UPF2: variants seen among roughly 807,000 people sequenced by gnomAD.
The protein encoded by UPF2 is UPF2 regulator of nonsense mediated mRNA decay, also known as regulator of nonsense transcripts 2.
Under a neutral mutation model 141.4 loss-of-function variants are expected in UPF2, and 17 were observed. That is an observed-to-expected ratio of 0.12 (90% CI 0.08 to 0.18). The LOEUF (loss-of-function observed/expected upper bound fraction) is 0.18. Among genes scored for constraint, UPF2 ranks in the 10% least tolerant of loss-of-function variants. UPF2 has a pLI of 1.00. For missense variants in UPF2, 1,152 were observed against 1,515.9 expected, an observed-to-expected ratio of 0.76 and a Z score of 3.99; for synonymous variants, 540 against 498.0, an observed-to-expected ratio of 1.08 and a Z score of -1.12.
chr10:11,966,425 CT>C (rs1185528858), intron 10 of UPF2, among the ~76,000 whole-genome samples: 3 of 130,880 alleles, frequency 2.3e-5, no homozygotes, highest in Non-Finnish European at 5.6e-5. Context: ...AGCCTTATTT[CT>C]TTTTTTCTTT....
intron 21 of UPF2, among the ~76,000 whole-genome samples, chr10:11,925,914 T>C (rs1231212005): frequency 2.0e-5 from 3 of 152,194 alleles, no homozygotes; most frequent in African/African-American, 4.8e-5. Context: ...CGAGGAGCCA[T>C]TGGATGATTT....
At position 11,989,639 on chromosome 10, in the gene UPF2, C is replaced by T. The variant is rs138540353; in HGVS notation, c.1844+8033G>A. 1.5e-3 allele frequency among the ~76,000 whole-genome samples: 235 copies of T among 152,288 alleles called. 1 individual carries two copies. The highest frequency in any genetic ancestry group is 5.2e-3 in the African/African-American group (217 of 41,556). ...GAAAACAAATCCCTGTGAGTATTTC[C>T]GTAGCAAGGGACACAATGTTACCCC... On this transcript the variant is annotated intron_variant, in intron 8 of 21. Transcript: ENST00000357604.
chr10:11,971,604 G>A (rs888394000), intron 9 of UPF2, among the ~76,000 whole-genome samples: 1 of 151,986 alleles, frequency 6.6e-6, no homozygotes, highest in Non-Finnish European at 1.5e-5. Context: ...AAACACTTCT[G>A]GATGAATTCA....
In UPF2 at chr10:11,931,977, C is replaced by T. The variant is rs140200073; in HGVS notation, c.3547-195G>A. 1.6e-3 allele frequency among the ~76,000 whole-genome samples: 243 copies of T among 152,190 alleles called. 1 individual carries two copies. The highest frequency in any genetic ancestry group is 5.4e-3 in the African/African-American group (224 of 41,534). ...CATCCAGGCCAACATGATGAAACCCCGTCTTTACTAAAAACACAAAAATTA... is the reference window on the plus strand; with the variant it reads ...CATCCAGGCCAACATGATGAAACCCTGTCTTTACTAAAAACACAAAAATTA... On this transcript the variant is annotated intron_variant, in intron 19 of 21. Coordinates refer to ENST00000357604, the MANE Select transcript of UPF2 (RefSeq NM_015542.4). This position sits in a 1 kb window ranked among gnomAD's most constrained non-coding sequence, Gnocchi z 5.9.
chr10:12,015,629 G>A (rs1413896657), intron 3 of UPF2, among the ~76,000 whole-genome samples: 2 of 152,298 alleles, frequency 1.3e-5, no homozygotes, highest in African/African-American at 2.4e-5. Context: ...TTGAACCTGG[G>A]AGGCGGAGGT....
intron 19 of UPF2, among the ~76,000 whole-genome samples, chr10:11,932,015 G>A (rs1309345051): frequency 6.6e-6 from 1 of 152,122 alleles, no homozygotes; most frequent in Non-Finnish European, 1.5e-5. Context: ...TGGGTGTGGT[G>A]GCATGCACTT....
At chr10:12,013,372 G>A (rs1208114788) in intron 4 of UPF2, among the ~76,000 whole-genome samples, 1 of 151,096 alleles carries the variant, frequency 6.6e-6, no homozygotes, top group East Asian at 2.0e-4. Context: ...TGCCTGCCAG[G>A]TTCACGCAAT....
intron 14 of UPF2, 110 bp downstream of exon 14, chr10:11,955,122 G>T: frequency 2.0e-6 from 2 of 1,009,346 alleles, no homozygotes; most frequent in Non-Finnish European, 2.6e-6. Flanking sequence ...ATCTAATTAT[G>T]AACATATATA....
chr10:12,018,354 G>A lies in UPF2; in HGVS notation c.1146-4170C>T, dbSNP rs113737868. Among the ~76,000 whole-genome samples, 257 of 152,096 alleles carry A rather than the reference G, an allele frequency of 1.7e-3. 1 individual carries two copies. Among genetic ancestry groups the A allele is most frequent in the African/African-American group, 5.7e-3 (237 of 41,480 alleles). ...TCCCAACACTTTGGGAGGCTGAGGC[G>A]GGTGGACCACAAAGTCAGGAGTTCA... On this transcript the variant is annotated intron_variant, in intron 3 of 21. Transcript: ENST00000357604.
In UPF2 at chr10:12,005,844, T is replaced by TA. The variant is rs981227138; in HGVS notation, c.1307-1118dup. 5.1e-4 allele frequency among the ~76,000 whole-genome samples: 66 copies of TA among 129,582 alleles called. 1 individual carries two copies. Among genetic ancestry groups the TA allele is most frequent in the African/African-American group, 1.5e-3 (62 of 41,012 alleles). 85.0% of individuals were successfully genotyped at this position (129,582 alleles called of 152,430 possible). On this transcript the variant is annotated intron_variant, in intron 4 of 21. Coordinates refer to ENST00000357604, the MANE Select transcript of UPF2 (RefSeq NM_015542.4). The stretch of plus-strand genomic sequence containing the variant: ...CCTCAGCCTCCCAAAGTGCTGGGAT[T>TA]ACAGGCGTGAGCCACCACGCCCAGC...
chr10:11,973,725 T>C (rs1368477657), intron 9 of UPF2, among the ~76,000 whole-genome samples: 1 of 152,240 alleles, frequency 6.6e-6, no homozygotes, highest in Non-Finnish European at 1.5e-5. Context: ...GAGGGCTCTG[T>C]TCTGTTCCAT....
chr10:12,023,236 A>C (rs1834348739), intron 3 of UPF2, among the ~76,000 whole-genome samples: 1 of 152,192 alleles, frequency 6.6e-6, no homozygotes, highest in Admixed American at 6.5e-5. Context: ...AAAGCATATA[A>C]AGAGCACTTA....
chr10:11,923,670 CAAA>C (rs58541027), intron 21 of UPF2, among the ~76,000 whole-genome samples: 14 of 106,928 alleles, frequency 1.3e-4, no homozygotes, highest in Non-Finnish European at 7.1e-5. Context: ...GACCCCATCT[CAAA>C]AAAAAAAAAA....
In UPF2 at chr10:11,937,616, C is replaced by T. The variant is rs370140727; in HGVS notation, c.3379-904G>A. ...CAAGGACATGGACCAGCATGGTACA[C>T]TTAGGGAACTGCAAACACATGACTG... On this transcript the variant is annotated intron_variant, in intron 18 of 21. Coordinates refer to ENST00000357604, the MANE Select transcript of UPF2 (RefSeq NM_015542.4). 2.8e-4 allele frequency among the ~76,000 whole-genome samples: 42 copies of T among 152,302 alleles called. 1 individual carries two copies. Among genetic ancestry groups the T allele is most frequent in the East Asian group, 1.5e-3 (8 of 5,184 alleles).
chr10:12,021,047 A>G (rs552725402), intron 3 of UPF2, among the ~76,000 whole-genome samples: 26 of 152,334 alleles, frequency 1.7e-4, no homozygotes, highest in African/African-American at 6.3e-4. Context: ...TATACACTTC[A>G]AAAACAAGTG....
chr10:11,926,152 C>T (rs1383484710), intron 21 of UPF2, among the ~76,000 whole-genome samples: 1 of 152,154 alleles, frequency 6.6e-6, no homozygotes, highest in African/African-American at 2.4e-5. Flanking sequence ...GAGCAGAATG[C>T]AGAGGATTTG....
At chr10:11,989,545 A>C (rs772075786) in intron 8 of UPF2, among the ~76,000 whole-genome samples, 20 of 152,244 alleles carry the variant, frequency 1.3e-4, no homozygotes, top group Non-Finnish European at 2.2e-4. Context: ...CAGCCAAACC[A>C]TGAGTATTTC....
chr10:11,929,399 C>A (rs889809498), intron 21 of UPF2, among the ~76,000 whole-genome samples: 1 of 152,150 alleles, frequency 6.6e-6, no homozygotes, highest in East Asian at 1.9e-4. Context: ...TTTGTAAGAA[C>A]AGCCACGTGG....
At chr10:11,943,698 A>G (rs1014722498) in intron 16 of UPF2, among the ~76,000 whole-genome samples, 14 of 152,190 alleles carry the variant, frequency 9.2e-5, no homozygotes, top group African/African-American at 3.1e-4. Flanking sequence ...CCTATTTTAC[A>G]CATGAAAAAA....
Sources: allele counts gnomAD v4.1 joint callset (sites outside exome capture counted in the v4.1 genomes callset), GRCh38; gene constraint gnomAD v4.1.1; non-coding constraint Gnocchi (gnomAD v3.1); transcripts MANE v1.5; gene names NCBI Gene and HGNC (gene_info 2026-07-23, HGNC 2026-07-21).